Variants in SCARB1 observed in about 807,000 individuals in gnomAD.
The protein encoded by SCARB1 is scavenger receptor class B member 1, also known as CD36 and LIMPII analogous 1.
Under a neutral mutation model 57.2 loss-of-function variants are expected in SCARB1, and 30 were observed. The ratio of observed to expected loss-of-function variants is 0.52; its 90% CI spans 0.39 to 0.71. The LOEUF is 0.71. Among genes scored for constraint, SCARB1 ranks in the 30% least tolerant of loss-of-function variants. The pLI, the probability that SCARB1 is intolerant of heterozygous loss-of-function variation, is 0.00. For missense variants in SCARB1, 543 were observed against 671.2 expected, an observed-to-expected ratio of 0.81 and a Z score of 2.11; for synonymous variants, 249 against 268.3, an observed-to-expected ratio of 0.93 and a Z score of 0.70.
chr12:124,788,559 G>C (rs1949607863), intron 9 of SCARB1, among the ~76,000 whole-genome samples: 1 of 152,230 alleles, frequency 6.6e-6, no homozygotes. Context: ...TGGGACCAGA[G>C]GTGACCTTGA....
chr12:124,854,231 G>A (rs11057865), intron 1 of SCARB1, among the ~76,000 whole-genome samples: 29,697 of 152,250 alleles, frequency 0.2, 3,182 homozygotes, highest in Non-Finnish European at 0.25. Flanking sequence ...AGTGAGAGCT[G>A]AACAGAGACC....
At chr12:124,831,590 G>A (rs1951394219) in intron 1 of SCARB1, among the ~76,000 whole-genome samples, 1 of 152,156 alleles carries the variant, frequency 6.6e-6, no homozygotes, top group Admixed American at 6.5e-5. Context: ...GAGACCACCA[G>A]GGGCCCTGGA....
chr12:124,815,324 C>T (rs1333432535), intron 2 of SCARB1, among the ~76,000 whole-genome samples: 1 of 152,194 alleles, frequency 6.6e-6, no homozygotes. Context: ...GCCCACCCGG[C>T]CTCGTTCTGC....
intron 8 of SCARB1, among the ~76,000 whole-genome samples, chr12:124,795,697 A>T (rs1949921258): frequency 6.6e-6 from 1 of 152,122 alleles, no homozygotes; most frequent in African/African-American, 2.4e-5. Context: ...TCCCTTCTCA[A>T]TTCACTCCCA....
chr12:124,802,679 C>T (rs34335701), intron 7 of SCARB1, among the ~76,000 whole-genome samples: 124 of 152,310 alleles, frequency 8.1e-4, no homozygotes, highest in African/African-American at 3.0e-3. Flanking sequence ...GAGAGATCTT[C>T]CCAGCTGTAA....
chr12:124,795,346 C>A, intron 8 of SCARB1, 78 bp from the exon 9 acceptor site: 1 of 1,221,740 alleles, frequency 8.2e-7, no homozygotes, highest in South Asian at 1.2e-5. Context: ...TCCCTGGTCC[C>A]AGTCAAGAGG....
intron 1 of SCARB1, among the ~76,000 whole-genome samples, chr12:124,849,891 C>T (rs1432532683): frequency 7.6e-6 from 1 of 131,502 alleles, no homozygotes; most frequent in African/African-American, 2.9e-5. Flanking sequence ...AGCAAGACCC[C>T]TGTCTCTACA....
chr12:124,782,873 G>C, intron 11 of SCARB1, 62 bp from the exon 12 acceptor site: 16 of 1,580,468 alleles, frequency 1.0e-5, no homozygotes, highest in Non-Finnish European at 1.4e-5. Flanking sequence ...GGTTTTACAC[G>C]GTTCTTCAAT....
intron 12 of SCARB1, among the ~76,000 whole-genome samples, chr12:124,779,204 C>A (rs1872917054): frequency 6.6e-6 from 1 of 152,216 alleles, no homozygotes; most frequent in African/African-American, 2.4e-5. Flanking sequence ...TCACCTCAGC[C>A]TCCCAAAGCG....
At chr12:124,840,122 T>C in intron 1 of SCARB1, 9 of 1,216,934 alleles carry the variant, frequency 7.4e-6, no homozygotes, top group Non-Finnish European at 7.5e-6. Context: ...TCACTGATTC[T>C]CATTTCCCTA....
chr12:124,791,347 C>A lies in SCARB1; in HGVS notation c.1202+3848G>T, dbSNP rs376134143. 1.3e-4 allele frequency among the ~76,000 whole-genome samples: 20 copies of A among 152,302 alleles called. No individual in the cohort carries two copies. In the South Asian group the frequency reaches 3.9e-3, roughly 30 times the overall value. On this transcript the variant is annotated intron_variant, in intron 9 of 12. Transcript: ENST00000261693. ...CCTGCGGTGGCCTTGGGACCCCTGACACAGCCACTTACGAGCTCTGTGACC... is the reference window on the plus strand; with the variant it reads ...CCTGCGGTGGCCTTGGGACCCCTGAAACAGCCACTTACGAGCTCTGTGACC...
chr12:124,834,285 G>C (rs1400398973), intron 1 of SCARB1, among the ~76,000 whole-genome samples: 6 of 152,258 alleles, frequency 3.9e-5, no homozygotes, highest in African/African-American at 1.4e-4. Flanking sequence ...GGGTCCTCAG[G>C]TTCCCAGAAA....
chr12:124,859,873 T>C (rs1401400277), intron 1 of SCARB1, among the ~76,000 whole-genome samples: 3 of 151,540 alleles, frequency 2.0e-5, no homozygotes, highest in Admixed American at 6.6e-5. Flanking sequence ...TAAACATAAA[T>C]AGCACCAGAG....
chr12:124,815,189 C>T, intron 2 of SCARB1, 75 bp from the exon 3 acceptor site: 3 of 1,553,706 alleles, frequency 1.9e-6, no homozygotes, highest in African/African-American at 1.4e-5. Context: ...CCTGCAATGC[C>T]TGCCTGGGAA....
chr12:124,851,835 G>T (rs1469654432), intron 1 of SCARB1, among the ~76,000 whole-genome samples: 1 of 152,004 alleles, frequency 6.6e-6, no homozygotes, highest in African/African-American at 2.4e-5. Context: ...TCGAACTCCT[G>T]ACTTCAAGTG....
intron 1 of SCARB1, among the ~76,000 whole-genome samples, chr12:124,856,518 G>T (rs1457391129): frequency 6.6e-6 from 1 of 152,242 alleles, no homozygotes; most frequent in Non-Finnish European, 1.5e-5. Flanking sequence ...CGTCGCCAGG[G>T]AGTAAGTTGA....
chr12:124,859,405 C>A (rs1306366857), intron 1 of SCARB1, among the ~76,000 whole-genome samples: 1 of 152,114 alleles, frequency 6.6e-6, no homozygotes, highest in Non-Finnish European at 1.5e-5. Context: ...GTGGCAGGCA[C>A]CTGCAGTCCC....
At chr12:124,782,073 T>C (rs1175436817) in intron 12 of SCARB1, among the ~76,000 whole-genome samples, 1 of 151,896 alleles carries the variant, frequency 6.6e-6, no homozygotes, top group African/African-American at 2.4e-5. Context: ...ACCCAGCTAA[T>C]TTTTTTTGTA....
chr12:124,830,375 A>G (rs4765616), intron 1 of SCARB1, among the ~76,000 whole-genome samples: 99,608 of 152,038 alleles, frequency 0.66, 33,390 homozygotes, highest in African/African-American at 0.8. Context: ...CCACACAAAG[A>G]TTATCCACAA....
Sources: allele counts gnomAD v4.1 joint callset (sites outside exome capture counted in the v4.1 genomes callset), GRCh38; gene constraint gnomAD v4.1.1; transcripts MANE v1.5; gene names NCBI Gene and HGNC (gene_info 2026-07-23, HGNC 2026-07-21).